Variants in THSD7B observed in about 807,000 individuals in gnomAD.
The protein encoded by THSD7B is thrombospondin type-1 domain-containing protein 7B.
A neutral mutation model predicts 213.6 loss-of-function variants in THSD7B; 138 were observed. The ratio of observed to expected loss-of-function variants is 0.65; its 90% CI spans 0.56 to 0.74. The LOEUF is 0.74. Ranked by LOEUF, THSD7B falls within the 30% of genes least tolerant of loss-of-function variation. The pLI, the probability that THSD7B is intolerant of heterozygous loss-of-function variation, is 0.00. For missense variants in THSD7B, 1,931 were observed against 1,991.5 expected (o/e 0.97, Z 0.58); for synonymous variants, 742 against 687.0 (o/e 1.08, Z -1.25).
chr2:137,404,430 GATATAT>G (rs59001356), intron 12 of THSD7B, among the ~76,000 whole-genome samples: 3,752 of 49,154 alleles, frequency 0.076, 166 homozygotes, highest in East Asian at 0.15. Flanking sequence ...GAAACTCTGA[GATATAT>G]ATATATATAT....
intron 3 of THSD7B, among the ~76,000 whole-genome samples, chr2:137,072,946 G>A (rs1573804016): frequency 6.6e-6 from 1 of 152,132 alleles, no homozygotes; most frequent in South Asian, 2.1e-4. Flanking sequence ...GCATCCCAGG[G>A]ATGAAGCCTA....
intron 10 of THSD7B, among the ~76,000 whole-genome samples, chr2:137,253,855 G>A (rs897214656): frequency 5.8e-4 from 88 of 152,114 alleles, no homozygotes; most frequent in African/African-American, 2.0e-3. Context: ...TGTGGTTTCC[G>A]GAGGTTTTTG....
intron 26 of THSD7B, among the ~76,000 whole-genome samples, chr2:137,664,274 A>G (rs1367178970): frequency 6.6e-6 from 1 of 152,274 alleles, no homozygotes; most frequent in African/African-American, 2.4e-5. Flanking sequence ...AGAAATGTCC[A>G]GAGATCCTAT....
intron 12 of THSD7B, among the ~76,000 whole-genome samples, chr2:137,342,603 AG>A (rs1284896742): frequency 6.6e-6 from 1 of 151,532 alleles, no homozygotes; most frequent in Non-Finnish European, 1.5e-5. Context: ...TCTTGAGGTA[AG>A]GTTTAAATTT....
chr2:137,058,245 A>G (rs1241345202), intron 3 of THSD7B, among the ~76,000 whole-genome samples: 2 of 152,156 alleles, frequency 1.3e-5, no homozygotes, highest in Non-Finnish European at 2.9e-5. Context: ...GCCATATGAA[A>G]TTAGCAAGTC....
chr2:137,381,752 T>G (rs951911417), intron 12 of THSD7B, among the ~76,000 whole-genome samples: 5 of 152,180 alleles, frequency 3.3e-5, no homozygotes, highest in African/African-American at 9.6e-5. Context: ...TGGAGACAGT[T>G]GTCTTTGGAA....
chr2:137,286,399 A>G (rs747359770), intron 12 of THSD7B, among the ~76,000 whole-genome samples: 2 of 152,182 alleles, frequency 1.3e-5, no homozygotes, highest in South Asian at 2.1e-4. Flanking sequence ...ATTATAGTCT[A>G]TCAAATGTCA....
chr2:137,039,955 T>G (rs933288341), intron 2 of THSD7B, among the ~76,000 whole-genome samples: 2 of 152,126 alleles, frequency 1.3e-5, no homozygotes, highest in African/African-American at 4.8e-5. Flanking sequence ...GGGTGTTGGT[T>G]TTCTGGTTGT....
intron 2 of THSD7B, among the ~76,000 whole-genome samples, chr2:136,890,510 C>CT (rs1558840404): frequency 1.8e-5 from 1 of 55,052 alleles, no homozygotes; most frequent in African/African-American, 7.2e-5. Context: ...CTCCTTTCTT[C>CT]TTCTTCTTTC....
chr2:137,236,749 G>A lies in THSD7B; in HGVS notation c.2150+3616G>A, dbSNP rs547785516. Reference sequence around the variant, plus strand: ...GTTCCTGGGTCAGATGACTAATTATGGAGGTGTAGCTAAAAAATGGCAGGT... The same window carrying A: ...GTTCCTGGGTCAGATGACTAATTATAGAGGTGTAGCTAAAAAATGGCAGGT... On this transcript the variant is annotated intron_variant, in intron 9 of 27. Transcript: ENST00000409968. Among the ~76,000 whole-genome samples the A allele has an allele frequency of 9.2e-5, 14 of 152,258 alleles. No homozygotes were observed. In the South Asian group the frequency reaches 2.7e-3, roughly 29 times the overall value.
chr2:137,660,559 C>G (rs1367114601), intron 25 of THSD7B, among the ~76,000 whole-genome samples: 2 of 152,174 alleles, frequency 1.3e-5, no homozygotes, highest in African/African-American at 4.8e-5. Flanking sequence ...AGTTCAGGAA[C>G]AACTCCATTT....
chr2:137,654,168 G>T (rs900550425), intron 21 of THSD7B, among the ~76,000 whole-genome samples: 1 of 152,086 alleles, frequency 6.6e-6, no homozygotes, highest in Non-Finnish European at 1.5e-5. Flanking sequence ...TTGAGCCTAG[G>T]TTTGCTTTGC....
intron 12 of THSD7B, among the ~76,000 whole-genome samples, chr2:137,353,619 T>C (rs1175046885): frequency 6.6e-6 from 1 of 152,120 alleles, no homozygotes; most frequent in Non-Finnish European, 1.5e-5. Context: ...GTTGTTTGTG[T>C]TCATGCTTGG....
intron 3 of THSD7B, 132 bp from the exon 4 acceptor site, chr2:137,094,741 A>C (rs946407161): frequency 5.0e-5 from 59 of 1,174,168 alleles, no homozygotes; most frequent in Non-Finnish European, 1.4e-5. Context: ...ATGTCTCTAA[A>C]ATTTTTTAAA....
At chr2:137,450,208 A>C (rs1687619888) in intron 14 of THSD7B, among the ~76,000 whole-genome samples, 1 of 152,138 alleles carries the variant, frequency 6.6e-6, no homozygotes, top group African/African-American at 2.4e-5. Context: ...CCAGAGAAAG[A>C]CCGTTGCAAG....
intron 1 of THSD7B, among the ~76,000 whole-genome samples, chr2:136,774,487 C>T (rs1431892263): frequency 1.3e-5 from 2 of 152,092 alleles, no homozygotes; most frequent in African/African-American, 4.8e-5. Context: ...CAGAATGTGA[C>T]ATTCCTTTCA....
intron 12 of THSD7B, among the ~76,000 whole-genome samples, chr2:137,332,343 C>G (rs957506067): frequency 6.6e-6 from 1 of 152,098 alleles, no homozygotes; most frequent in African/African-American, 2.4e-5. Flanking sequence ...AGACTTGCAC[C>G]GGCCCTGAGT....
intron 17 of THSD7B, among the ~76,000 whole-genome samples, chr2:137,614,060 A>G (rs1452448419): frequency 1.3e-5 from 2 of 152,146 alleles, no homozygotes; most frequent in African/African-American, 2.4e-5. Flanking sequence ...TCAGTCACCT[A>G]CACAATCCTC....
intron 2 of THSD7B, among the ~76,000 whole-genome samples, chr2:136,985,292 T>G (rs970568923): frequency 6.6e-6 from 1 of 152,122 alleles, no homozygotes. Flanking sequence ...AGTCAGCCGC[T>G]CTCATCACAG....
Sources: allele counts gnomAD v4.1 joint callset (sites outside exome capture counted in the v4.1 genomes callset), GRCh38; gene constraint gnomAD v4.1.1; transcripts MANE v1.5; gene names NCBI Gene and HGNC (gene_info 2026-07-23, HGNC 2026-07-21).